Variants in DNAH5 observed in about 807,000 individuals in gnomAD.
The protein encoded by DNAH5 is axonemal beta dynein heavy chain 5.
A neutral mutation model predicts 518.2 loss-of-function variants in DNAH5; 372 were observed. The observed-to-expected ratio is 0.72, with a 90% CI of 0.66 to 0.78. The LOEUF (loss-of-function observed/expected upper bound fraction) is 0.78. Ranked by LOEUF, DNAH5 falls within the 30% of genes least tolerant of loss-of-function variation. DNAH5 has a pLI of 0.00. For missense variants in DNAH5, 5,523 were observed against 5,687.0 expected (o/e 0.97, Z 0.93); for synonymous variants, 2,039 against 2,025.9 (o/e 1.01, Z -0.17).
intron 76 of DNAH5, among the ~76,000 whole-genome samples, chr5:13,704,513 A>C (rs1742533578): frequency 1.3e-5 from 2 of 151,942 alleles, no homozygotes; most frequent in South Asian, 4.2e-4. Flanking sequence ...AATCTGCACC[A>C]CTCCTTTTCT....
intron 1 of DNAH5, among the ~76,000 whole-genome samples, chr5:13,982,440 T>C (rs111468132): frequency 6.6e-6 from 1 of 150,654 alleles, no homozygotes; most frequent in Non-Finnish European, 1.5e-5. Context: ...ATATGCACTA[T>C]TGCATGAGTG....
rs1022402946 is a variant in DNAH5, at chr5:13,798,569, A to T, written c.7888-4511T>A. Among the ~76,000 whole-genome samples, 3 of 152,104 alleles carry T rather than the reference A, an allele frequency of 2.0e-5. No individual in the cohort carries two copies. The East Asian group carries it at 5.8e-4, about 29-fold the overall frequency. On this transcript the variant is annotated intron_variant, in intron 47 of 78. Coordinates refer to ENST00000265104, the MANE Select transcript of DNAH5 (RefSeq NM_001369.3). ...AAATTCTCCTTCTCTTATCCAAAAG[A>T]TGTTTTATTTCATGACAAAGAACAA...
intron 55 of DNAH5, among the ~76,000 whole-genome samples, chr5:13,771,916 C>T (rs1753396101): frequency 6.6e-6 from 1 of 152,106 alleles, no homozygotes; most frequent in Non-Finnish European, 1.5e-5. Context: ...ACCATCAGTA[C>T]CCAATCACTA....
At chr5:13,890,282 C>T (rs1376936423) in intron 17 of DNAH5, among the ~76,000 whole-genome samples, 5 of 151,934 alleles carry the variant, frequency 3.3e-5, no homozygotes, top group African/African-American at 1.2e-4. Flanking sequence ...CAGCGTGTGC[C>T]TGTAGTCCCA....
Position 13,917,267 on chromosome 5 carries a change from T to G in DNAH5, c.976-11A>C, listed in dbSNP as rs767964669. On this transcript the variant is annotated splice_polypyrimidine_tract_variant and intron_variant, in intron 7 of 78. Transcript: ENST00000265104. ...CATCTCCCGCCAAGTCTAAGCACAA[T>G]AGGGAAAAGCAATTTTAATGTAATT... is the stretch of plus-strand genomic sequence containing the variant. 5 of 1,596,528 alleles carry G rather than the reference T, an allele frequency of 3.1e-6. No homozygotes were observed. The South Asian group carries it at 4.4e-5, about 14-fold the overall frequency.
chr5:13,733,475 A>G lies in DNAH5; in HGVS notation c.11761+1656T>C, dbSNP rs183634894. Among the ~76,000 whole-genome samples, 13 of 152,292 alleles carry G rather than the reference A, an allele frequency of 8.5e-5. 1 individual carries two copies. In the East Asian group the frequency reaches 1.4e-3, roughly 16 times the overall value. On this transcript the variant is annotated intron_variant, in intron 68 of 78. Coordinates refer to ENST00000265104, the MANE Select transcript of DNAH5 (RefSeq NM_001369.3). ...CACTGAGGCCAGAAATTAGTAACAT[A>G]TTAAGGGTTCACCAGAGAAGGCAGC...
intron 55 of DNAH5, among the ~76,000 whole-genome samples, chr5:13,773,985 G>A (rs1580164512): frequency 6.6e-6 from 1 of 152,118 alleles, no homozygotes; most frequent in East Asian, 1.9e-4. Context: ...GACCTCAGGA[G>A]AGCCTGGGGA....
intron 30 of DNAH5, among the ~76,000 whole-genome samples, chr5:13,852,605 G>A (rs1330347070): frequency 6.6e-6 from 1 of 152,220 alleles, no homozygotes; most frequent in African/African-American, 2.4e-5. Flanking sequence ...AACCCAGCAA[G>A]CTAAGATCCA....
At chr5:13,734,860 A>AT (rs1030375816) in intron 68 of DNAH5, among the ~76,000 whole-genome samples, 1 of 151,752 alleles carries the variant, frequency 6.6e-6, no homozygotes, top group African/African-American at 2.4e-5. Flanking sequence ...TTATTATTTT[A>AT]TTTTTTTTCT....
intron 72 of DNAH5, among the ~76,000 whole-genome samples, chr5:13,718,029 A>T (rs1212622305): frequency 2.6e-5 from 4 of 151,866 alleles, no homozygotes; most frequent in Admixed American, 2.6e-4. Flanking sequence ...TTATTTATTT[A>T]TTTTTTACTG....
rs1247275415 is a variant in DNAH5 at position 13,919,230 on chromosome 5, C to T, written c.921G>A (p.Pro307=). 9 of 1,613,958 alleles carry T rather than the reference C, an allele frequency of 5.6e-6. No homozygotes were observed. Among genetic ancestry groups the T allele is most frequent in the Non-Finnish European group, 7.6e-6 (9 of 1,179,982 alleles). ...GCACTGCCAGCACAGCCTTCACATC[C>T]GGGCTTTTCAATTGTTCCAAAAGGT... The part of the protein sequence containing the change: ...FNYLLEQLKS[P]DVKAVLAVLA... The change falls in exon 7 of 79, where the codon CCG becomes CCA. Residue 307 remains proline (P), a synonymous_variant. Transcript: ENST00000265104.
intron 30 of DNAH5, among the ~76,000 whole-genome samples, chr5:13,852,150 T>G (rs1459243252): frequency 6.6e-6 from 1 of 152,032 alleles, no homozygotes; most frequent in African/African-American, 2.4e-5. Context: ...GGGTAGACAC[T>G]GAGCTAGCTG....
intron 69 of DNAH5, 108 bp downstream of exon 69, chr5:13,729,331 G>A: frequency 6.9e-7 from 1 of 1,453,452 alleles, no homozygotes; most frequent in South Asian, 1.2e-5. Context: ...ACCATTTTAA[G>A]AGTGACAATA....
At chr5:13,776,789 T>C (rs551250413) in intron 54 of DNAH5, 83 bp from the exon 55 acceptor site, 240 of 1,483,226 alleles carry the variant, frequency 1.6e-4, no homozygotes, top group East Asian at 3.2e-4. Flanking sequence ...ACAGAATGTC[T>C]TTTCTCCATT....
At chr5:13,952,598 G>A (rs573181096) in intron 1 of DNAH5, among the ~76,000 whole-genome samples, 61 of 152,218 alleles carry the variant, frequency 4.0e-4, no homozygotes, top group African/African-American at 1.3e-3. Flanking sequence ...GTATTTCTGG[G>A]TTTTCCAACT....
chr5:13,995,091 CAT>C (rs964862119), intron 1 of DNAH5, among the ~76,000 whole-genome samples: 7 of 152,260 alleles, frequency 4.6e-5, no homozygotes, highest in African/African-American at 1.4e-4. Flanking sequence ...ATAATAATCA[CAT>C]GTGTTTTTGT....
In DNAH5 at chr5:13,737,491, A is replaced by C. The variant is rs759850303; in HGVS notation, c.11216T>G (p.Leu3739Trp). 1 of 1,613,652 alleles carries C rather than the reference A, an allele frequency of 6.2e-7. No homozygotes were observed. The highest frequency in any genetic ancestry group is 2.2e-5 in the East Asian group (1 of 44,850). ...CATCAGATGAGTTCTTTCTTTCTCC[A>C]ATTCCTATTAATTTGCATAAATATA... Reference protein sequence around the residue: ...GRVILTEKQELEKERTHLMED... With the variant: ...GRVILTEKQEWEKERTHLMED... The change falls in exon 66 of 79, where the codon TTG (leucine) becomes TGG (tryptophan). Residue 3739 changes from leucine (L) to tryptophan (W), a missense_variant. By Grantham distance (61) the Leu-to-Trp change is moderately conservative (BLOSUM62 -2). Transcript: ENST00000265104.
At chr5:13,815,203 A>C (rs910841921) in intron 42 of DNAH5, among the ~76,000 whole-genome samples, 6 of 152,198 alleles carry the variant, frequency 3.9e-5, no homozygotes, top group Admixed American at 6.5e-5. Context: ...AAACAAATAA[A>C]AGTTTAACAT....
chr5:13,997,578 T>C (rs1784054827), intron 1 of DNAH5, among the ~76,000 whole-genome samples: 1 of 152,154 alleles, frequency 6.6e-6, no homozygotes, highest in Admixed American at 6.5e-5. Context: ...ATACAGGCTT[T>C]CTCTACAGCT....
Sources: allele counts gnomAD v4.1 joint callset (sites outside exome capture counted in the v4.1 genomes callset), GRCh38; gene constraint gnomAD v4.1.1; transcripts MANE v1.5; gene names NCBI Gene and HGNC (gene_info 2026-07-23, HGNC 2026-07-21).